Variants in SYT12 observed in about 807,000 individuals in gnomAD.
SYT12 encodes the protein synaptotagmin-12.
SYT12 carries 27 observed loss-of-function variants against 39.5 expected under a neutral mutation model. That is an observed-to-expected ratio of 0.68 (90% CI 0.50 to 0.94). SYT12 has a LOEUF of 0.94. Ranked by LOEUF, SYT12 falls within the 40% of genes least tolerant of loss-of-function variation. SYT12 has a pLI of 0.00. For synonymous variants in SYT12, 233 were observed against 239.7 expected, an observed-to-expected ratio of 0.97 and a Z score of 0.26; for missense variants, 536 against 572.6, an observed-to-expected ratio of 0.94 and a Z score of 0.65.
At chr11:67,009,047 G>A (rs1023589724) in intron 1 of SYT12, among the ~76,000 whole-genome samples, 1 of 152,168 alleles carries the variant, frequency 6.6e-6, no homozygotes, top group Non-Finnish European at 1.5e-5. Context: ...GTCTGGCTCT[G>A]TCGCCCAGGC....
At chr11:67,011,496 G>T (rs766940972) in intron 3 of SYT12, among the ~76,000 whole-genome samples, 4 of 151,490 alleles carry the variant, frequency 2.6e-5, no homozygotes, top group Non-Finnish European at 4.4e-5. Flanking sequence ...GCCCGCCTGG[G>T]CCTCCCAAAG....
At chr11:67,008,960 C>T (rs999566204) in intron 1 of SYT12, among the ~76,000 whole-genome samples, 4 of 152,134 alleles carry the variant, frequency 2.6e-5, no homozygotes, top group African/African-American at 9.7e-5. Flanking sequence ...ATGTGTAATG[C>T]ACTGAGAATG....
chr11:67,013,437 A>G (rs767070360), intron 3 of SYT12, among the ~76,000 whole-genome samples: 14 of 152,248 alleles, frequency 9.2e-5, no homozygotes, highest in Admixed American at 2.6e-4. Flanking sequence ...CAGCCCTTCC[A>G]GGAACTGAGT....
upstream of SYT12, among the ~76,000 whole-genome samples, chr11:67,019,629 C>A (rs1004874186): frequency 2.0e-5 from 3 of 151,964 alleles, no homozygotes; most frequent in African/African-American, 7.3e-5. Context: ...GGTGAGGACA[C>A]AGCCAAACCA....
intron 4 of SYT12, among the ~76,000 whole-genome samples, chr11:67,041,573 C>T (rs555954266): frequency 1.8e-4 from 28 of 152,280 alleles, no homozygotes; most frequent in African/African-American, 6.7e-4. Context: ...GCATGGTACC[C>T]TGGAAGGGCG....
At position 67,039,863 on chromosome 11, in the gene SYT12, G is replaced by T; in HGVS notation, c.281G>T (p.Arg94Leu). 1 of 1,613,266 alleles carries T rather than the reference G, an allele frequency of 6.2e-7. No homozygotes were observed. Among genetic ancestry groups the T allele is most frequent in the Non-Finnish European group, 8.5e-7 (1 of 1,180,012 alleles). Residue 94 changes from arginine to leucine, a missense_variant, in exon 4 of 8, where the codon CGC becomes CTC. Coordinates refer to ENST00000527043, the MANE Select transcript of SYT12 (RefSeq NM_177963.4). ...GCCAGCACGCGGGGACCACCCAGCC[G>T]CAAAGGCAGTCTCAGCATTGAGGAC... is the stretch of plus-strand genomic sequence containing the variant. ...QRASTRGPPSRKGSLSIEDTF... is the reference protein window; with the variant it reads ...QRASTRGPPSLKGSLSIEDTF...
chr11:67,048,760 AC>A lies in SYT12; in HGVS notation c.*5del, dbSNP rs1333047197. 6.3e-7 allele frequency: 1 copy of A among 1,591,930 alleles called. No homozygotes were observed. Among genetic ancestry groups the A allele is most frequent in the Non-Finnish European group, 8.6e-7 (1 of 1,163,256 alleles). On this transcript the variant is annotated 3_prime_UTR_variant, in exon 8 of 8. Transcript: ENST00000527043. The stretch of plus-strand genomic sequence containing the variant: ...GGCACGCTGTCCGGCGAAACTAGCA[AC>A]CAGGGCGGGCCAGTTGGGCAATGGA...
At chr11:67,044,086 G>C (rs372363333) in intron 5 of SYT12, among the ~76,000 whole-genome samples, 3 of 152,318 alleles carry the variant, frequency 2.0e-5, no homozygotes, top group African/African-American at 7.2e-5. Context: ...CAAAGCTTCA[G>C]AGGTTCTACC....
chr11:67,046,544 C>T (rs1034008346), intron 7 of SYT12, among the ~76,000 whole-genome samples: 2 of 152,256 alleles, frequency 1.3e-5, no homozygotes, highest in Admixed American at 6.5e-5. Flanking sequence ...TCCCCCAACC[C>T]GGGGACCCCG....
rs374692356 is a variant in SYT12, at chr11:67,016,509, C to A, written c.-68-5360C>A. On this transcript the variant is annotated intron_variant, in intron 3 of 10. Transcript: ENST00000393946. The stretch of plus-strand genomic sequence containing the variant: ...CTTCAGAAAGATGTAAATCACTTCT[C>A]GGCCAGTTTACATGCTAGACTGGTG... Among the ~76,000 whole-genome samples the A allele has an allele frequency of 3.3e-4, 50 of 152,268 alleles. No individual in the cohort carries two copies. In the South Asian group the frequency reaches 8.9e-3, roughly 27 times the overall value.
chr11:67,010,897 T>C (rs535602752), exon 3 of SYT12: 2 of 152,296 alleles, frequency 1.3e-5, no homozygotes, highest in Non-Finnish European at 2.9e-5. Context: ...GTTTAAGACT[T>C]TGCCTAGGGC....
Position 67,040,083 on chromosome 11 carries a change from C to T in SYT12, c.501C>T (p.His167=). ...EVSMEYDTAS[H]TLNVAVMQGK... ...GCATGGAGTACGACACTGCCTCCCA[C>T]ACGCTGAACGTGGCGGTGATGCAGG... Residue 167 remains histidine, a synonymous_variant, in exon 4 of 8, where the codon CAC becomes CAT. Transcript: ENST00000527043. The T allele has an allele frequency of 1.2e-6, 2 of 1,613,964 alleles. No individual in the cohort carries two copies. Among genetic ancestry groups the T allele is most frequent in the Non-Finnish European group, 1.7e-6 (2 of 1,180,010 alleles).
chr11:67,031,445 C>T (rs942445587), intron 2 of SYT12: 1 of 152,324 alleles, frequency 6.6e-6, no homozygotes, highest in African/African-American at 2.4e-5. Context: ...GCTTCCTCAT[C>T]TGTAAAATGG....
At chr11:67,017,562 T>C (rs982545369) in intron 3 of SYT12, among the ~76,000 whole-genome samples, 7 of 150,956 alleles carry the variant, frequency 4.6e-5, no homozygotes, top group African/African-American at 7.3e-5. Flanking sequence ...GGTTTCCCCA[T>C]TGTTGGCCAG....
At chr11:67,026,149 T>C (rs1950177778) in intron 1 of SYT12, among the ~76,000 whole-genome samples, 3 of 152,008 alleles carry the variant, frequency 2.0e-5, no homozygotes, top group Admixed American at 2.0e-4. Context: ...CTCAACAGGT[T>C]CTAGCAGTGA....
rs1015198534 is a variant in SYT12, at chr11:67,048,782, A to G, written c.*25A>G. On this transcript the variant is annotated 3_prime_UTR_variant, in exon 8 of 8. Transcript: ENST00000527043. Reference sequence around the variant, plus strand: ...GCAACCAGGGCGGGCCAGTTGGGCAATGGAGCTGCTGGAGCCCGGTACCCA... The same window carrying G: ...GCAACCAGGGCGGGCCAGTTGGGCAGTGGAGCTGCTGGAGCCCGGTACCCA... The G allele has an allele frequency of 4.4e-6, 7 of 1,582,530 alleles. No individual in the cohort carries two copies. Among genetic ancestry groups the G allele is most frequent in the Non-Finnish European group, 5.2e-6 (6 of 1,157,972 alleles).
intron 1 of SYT12, chr11:67,027,981 T>C (rs758406385): frequency 1.3e-5 from 2 of 152,226 alleles, no homozygotes; most frequent in African/African-American, 4.8e-5. Context: ...AGGTACATGG[T>C]GACCCATTTG....
chr11:67,039,884 A>T lies in SYT12; in HGVS notation c.302A>T (p.Glu101Val), dbSNP rs752824791. 1 of 1,613,652 alleles carries T rather than the reference A, an allele frequency of 6.2e-7. No individual in the cohort carries two copies. The highest frequency in any genetic ancestry group is 1.7e-5 in the Admixed American group (1 of 60,026). The change falls in exon 4 of 8, where the codon GAG becomes GTG. Residue 101 changes from glutamate (E) to valine (V), a missense_variant. Transcript: ENST00000527043. ...PPSRKGSLSI[E>V]DTFESISELG... The stretch of plus-strand genomic sequence containing the variant: ...AGCCGCAAAGGCAGTCTCAGCATTG[A>T]GGACACCTTTGAGAGCATCAGTGAA...
Position 67,030,183 on chromosome 11 carries a change from G to A in SYT12, c.34+5G>A. 6.2e-7 allele frequency: 1 copy of A among 1,614,098 alleles called. No individual in the cohort carries two copies. Among genetic ancestry groups the A allele is most frequent in the Non-Finnish European group, 8.5e-7 (1 of 1,180,032 alleles). On this transcript the variant is annotated splice_donor_5th_base_variant and intron_variant, in intron 2 of 7. Coordinates refer to ENST00000527043, the MANE Select transcript of SYT12 (RefSeq NM_177963.4). ...TGGCAGAATACCATCTGAGCGGTGA[G>A]TGCCCAGGGCAAACCCCTCCTGGAT...
Sources: allele counts gnomAD v4.1 joint callset (sites outside exome capture counted in the v4.1 genomes callset), GRCh38; gene constraint gnomAD v4.1.1; transcripts MANE v1.5; gene names NCBI Gene and HGNC (gene_info 2026-07-23, HGNC 2026-07-21).